Variants in SPATC1 observed in about 807,000 individuals in gnomAD.
SPATC1 encodes speriolin.
In SPATC1, 35 loss-of-function variants were observed where a neutral mutation model predicts 36.5. The observed-to-expected ratio is 0.96, with a 90% CI of 0.73 to 1.27. The LOEUF (loss-of-function observed/expected upper bound fraction) is 1.27. Ranked by LOEUF, SPATC1 falls within the 50% of genes most tolerant of loss-of-function variation. The pLI, the probability that SPATC1 is intolerant of heterozygous loss-of-function variation, is 0.00. For missense variants in SPATC1, 779 were observed against 796.0 expected (o/e 0.98, Z 0.26); for synonymous variants, 361 against 353.6 (o/e 1.02, Z -0.24).
chr8:144,031,723 C>CTTTTTTT (rs1240016643), intron 1 of SPATC1, among the ~76,000 whole-genome samples: 1 of 129,038 alleles, frequency 7.7e-6, no homozygotes, highest in African/African-American at 2.9e-5. Flanking sequence ...TTCTTTCTTT[C>CTTTTTTT]TTTTTTTTTT....
chr8:144,028,108 G>T (rs1834722621), intron 1 of SPATC1, among the ~76,000 whole-genome samples: 1 of 152,034 alleles, frequency 6.6e-6, no homozygotes, highest in East Asian at 1.9e-4. Context: ...AACTCTAGAA[G>T]AAAATCTAGG....
intron 1 of SPATC1, among the ~76,000 whole-genome samples, chr8:144,034,725 G>A (rs927748605): frequency 6.6e-6 from 1 of 151,966 alleles, no homozygotes; most frequent in Non-Finnish European, 1.5e-5. Flanking sequence ...GGGTTCAAGC[G>A]ATTCTCCTGC....
intron 4 of SPATC1, among the ~76,000 whole-genome samples, chr8:144,044,224 T>C (rs7838609): frequency 0.012 from 1,837 of 152,120 alleles, 30 homozygotes; most frequent in African/African-American, 0.041. Flanking sequence ...AAGGTGGTAC[T>C]GCCTTGCAAT....
intron 1 of SPATC1, 114 bp from the exon 2 acceptor site, chr8:144,039,795 G>C (rs150818969): frequency 8.7e-7 from 1 of 1,148,248 alleles, no homozygotes; most frequent in South Asian, 1.5e-5. Context: ...TCAGCTCATC[G>C]GGGACAGATG....
intron 1 of SPATC1, among the ~76,000 whole-genome samples, chr8:144,024,978 TC>T (rs1244848406): frequency 1.2e-5 from 1 of 86,904 alleles, no homozygotes; most frequent in Non-Finnish European, 2.5e-5. Context: ...CTCAGCAGCC[TC>T]CCCCCTCAGG....
At position 144,046,568 on chromosome 8, in the gene SPATC1, A is replaced by G. The variant is rs1384621639; in HGVS notation, c.1447-59A>G. On this transcript the variant is annotated intron_variant, in intron 4 of 4. Coordinates refer to ENST00000377470, the MANE Select transcript of SPATC1 (RefSeq NM_198572.3). This position sits in a 1 kb window ranked among gnomAD's most constrained non-coding sequence, Gnocchi z 6.6. ...TCACCTGCCCCTCGGTCTTCCCCTT[A>G]CCTGCCTGTGTGTGGAGGTGTGGCA... 1 of 1,502,024 alleles carries G rather than the reference A, an allele frequency of 6.7e-7. No homozygotes were observed. The highest frequency in any genetic ancestry group is 1.4e-5 in the African/African-American group (1 of 72,878). The allele number at this position is 1,502,024 out of a possible 1,614,324, so 93.0% of individuals were successfully genotyped here.
Position 144,046,650 on chromosome 8 carries a change from C to T in SPATC1, c.1470C>T (p.His490=). 6.2e-7 allele frequency: 1 copy of T among 1,610,942 alleles called. No homozygotes were observed. Among genetic ancestry groups the T allele is most frequent in the South Asian group, 1.1e-5 (1 of 91,044 alleles). ...AGGCTTCCCTGAACCCCAGTGACCA[C>T]AAGCTGGATGAGAAGCTGTGCCAGA... The part of the protein sequence containing the change: ...IIQASLNPSD[H]KLDEKLCQRL... The change falls in exon 5 of 5, where the codon CAC becomes CAT. Residue 490 remains histidine, a synonymous_variant. Coordinates refer to ENST00000377470, the MANE Select transcript of SPATC1 (RefSeq NM_198572.3). This position sits in a 1 kb window ranked among gnomAD's most constrained non-coding sequence, Gnocchi z 6.6.
chr8:144,039,296 G>C (rs1554755278), intron 1 of SPATC1, among the ~76,000 whole-genome samples: 1 of 152,228 alleles, frequency 6.6e-6, no homozygotes, highest in Non-Finnish European at 1.5e-5. Flanking sequence ...AGAGCATAAA[G>C]CAGTGTCTGG....
In SPATC1 at chr8:144,046,961, G is replaced by A; in HGVS notation, c.*5G>A. 6.3e-7 allele frequency: 1 copy of A among 1,592,994 alleles called. No individual in the cohort carries two copies. The highest frequency in any genetic ancestry group is 8.5e-7 in the Non-Finnish European group (1 of 1,176,370). ...AAGCCCATGTTCATCTGGTGACGCT[G>A]GAGCTGGGAGGTCCAGGCTCGCTCA... On this transcript the variant is annotated 3_prime_UTR_variant, in exon 5 of 5. Transcript: ENST00000377470. The surrounding 1 kb of genome is among the most constrained non-coding windows in gnomAD (Gnocchi z 6.6).
chr8:144,011,737 A>G (rs1834285775), upstream of SPATC1, among the ~76,000 whole-genome samples: 1 of 152,182 alleles, frequency 6.6e-6, no homozygotes, highest in African/African-American at 2.4e-5. This position sits in a 1 kb window ranked among gnomAD's most constrained non-coding sequence, Gnocchi z 4.5. Flanking sequence ...GCTGGGGAAT[A>G]GAGATCCAAG....
chr8:144,013,600 C>T (rs1834322851), intron 1 of SPATC1, among the ~76,000 whole-genome samples: 1 of 152,084 alleles, frequency 6.6e-6, no homozygotes, highest in Admixed American at 6.5e-5. Context: ...AGCACATAGA[C>T]ACCTCTAGCT....
chr8:144,041,971 T>C (rs2129659908), intron 4 of SPATC1: 2 of 985,286 alleles, frequency 2.0e-6, no homozygotes, highest in East Asian at 2.3e-4. Context: ...GGATTTTGTT[T>C]GTTTGTTTTC....
chr8:144,032,680 T>C (rs1177962854), intron 1 of SPATC1, among the ~76,000 whole-genome samples: 1 of 152,196 alleles, frequency 6.6e-6, no homozygotes, highest in East Asian at 1.9e-4. Context: ...TATTGCTGCT[T>C]GTTATGGGTC....
At chr8:144,037,339 G>C (rs544580750) in intron 1 of SPATC1, among the ~76,000 whole-genome samples, 11 of 151,802 alleles carry the variant, frequency 7.2e-5, no homozygotes, top group African/African-American at 2.4e-4. Flanking sequence ...CATTGAGAAC[G>C]GGCCATGATG....
chr8:144,040,853 C>A lies in SPATC1; in HGVS notation c.1052C>A (p.Pro351His). Reference protein sequence around the residue: ...LAPQVATSYTPSSTTHIAQGA... With the variant: ...LAPQVATSYTHSSTTHIAQGA... ...CCCCAGGTTGCCACCAGCTACACAC[C>A]CTCAAGCACCACCCACATCGCCCAG... is the stretch of plus-strand genomic sequence containing the variant. The change falls in exon 3 of 5, where the codon CCC becomes CAC. Residue 351 changes from proline (P) to histidine (H), a missense_variant. By Grantham distance (77) the Pro-to-His change is moderately conservative. Coordinates refer to ENST00000377470, the MANE Select transcript of SPATC1 (RefSeq NM_198572.3). 7 of 1,586,498 alleles carry A rather than the reference C, an allele frequency of 4.4e-6. No individual in the cohort carries two copies. Among genetic ancestry groups the A allele is most frequent in the Non-Finnish European group, 6.0e-6 (7 of 1,166,196 alleles).
intron 4 of SPATC1, among the ~76,000 whole-genome samples, chr8:144,042,880 C>T (rs1382734014): frequency 6.6e-6 from 1 of 150,706 alleles, no homozygotes; most frequent in African/African-American, 2.4e-5. Flanking sequence ...GGGTCACACT[C>T]TGTCGCCCAG....
chr8:144,041,351 A>G lies in SPATC1; in HGVS notation c.1426A>G (p.Ile476Val). 3 of 1,610,752 alleles carry G rather than the reference A, an allele frequency of 1.9e-6. No individual in the cohort carries two copies. Among genetic ancestry groups the G allele is most frequent in the Non-Finnish European group, 2.5e-6 (3 of 1,179,980 alleles). The change falls in exon 4 of 5, where the codon ATC (isoleucine) becomes GTC (valine). Residue 476 changes from isoleucine (I) to valine (V), a missense_variant. By Grantham distance (29) the Ile-to-Val change is conservative (BLOSUM62 3). Coordinates refer to ENST00000377470, the MANE Select transcript of SPATC1 (RefSeq NM_198572.3). Reference protein sequence around the residue: ...VRLYGFTVSNIPEKIIQASLN... With the variant: ...VRLYGFTVSNVPEKIIQASLN... ...GCTCTACGGCTTCACTGTCTCCAAC[A>G]TCCCAGAGAAGATCATCCAGGTGTG...
chr8:144,017,456 G>A (rs1172603941), intron 1 of SPATC1, among the ~76,000 whole-genome samples: 1 of 152,150 alleles, frequency 6.6e-6, no homozygotes, highest in Non-Finnish European at 1.5e-5. Context: ...CCATTGAGGA[G>A]GAACACAGGA....
In SPATC1 at chr8:144,016,507, A is replaced by G. The variant is rs1834397353; in HGVS notation, c.211+3781A>G. On this transcript the variant is annotated intron_variant, in intron 1 of 4. Coordinates refer to ENST00000377470, the MANE Select transcript of SPATC1 (RefSeq NM_198572.3). This position sits in a 1 kb window ranked among gnomAD's most constrained non-coding sequence, Gnocchi z 4.5. The stretch of plus-strand genomic sequence containing the variant: ...TGTGACAGGGGCCAGGGAGAGGTGA[A>G]AAATGCAGCTAGAGGCATCAGATCA... Among the ~76,000 whole-genome samples, 1 of 151,970 alleles carries G rather than the reference A, an allele frequency of 6.6e-6. No individual in the cohort carries two copies. The highest frequency in any genetic ancestry group is 2.4e-5 in the African/African-American group (1 of 41,356).
Sources: allele counts gnomAD v4.1 joint callset (sites outside exome capture counted in the v4.1 genomes callset), GRCh38; gene constraint gnomAD v4.1.1; non-coding constraint Gnocchi (gnomAD v3.1); transcripts MANE v1.5; gene names NCBI Gene and HGNC (gene_info 2026-07-23, HGNC 2026-07-21).